The following DSCAM variants were observed in gnomAD, a reference collection of about 807,000 sequenced individuals.
DSCAM encodes the protein DS cell adhesion molecule.
A neutral mutation model predicts 217.7 loss-of-function variants in DSCAM; 47 were observed. That is an observed-to-expected ratio of 0.22 (90% CI 0.17 to 0.28). The LOEUF is 0.28. Ranked by LOEUF, DSCAM falls within the 10% of genes least tolerant of loss-of-function variation. The pLI, the probability that DSCAM is intolerant of heterozygous loss-of-function variation, is 1.00. For missense variants in DSCAM, 2,080 were observed against 2,618.3 expected (o/e 0.79, Z 4.49); for synonymous variants, 1,056 against 1,015.3 (o/e 1.04, Z -0.76).
At chr21:40,711,490 G>T (rs997419403) in intron 1 of DSCAM, among the ~76,000 whole-genome samples, 2 of 152,202 alleles carry the variant, frequency 1.3e-5, no homozygotes, top group African/African-American at 4.8e-5. Context: ...CAGCATCCAA[G>T]CATTGGCACA....
intron 3 of DSCAM, among the ~76,000 whole-genome samples, chr21:40,532,629 G>C (rs1601721247): frequency 2.0e-5 from 3 of 152,164 alleles, no homozygotes; most frequent in African/African-American, 7.2e-5. Context: ...AGCAAGCAGG[G>C]AAAGAAGATC....
At chr21:40,837,728 G>T (rs1456227002) in intron 1 of DSCAM, among the ~76,000 whole-genome samples, 1 of 152,196 alleles carries the variant, frequency 6.6e-6, no homozygotes, top group Admixed American at 6.5e-5. Context: ...ACTAGCCTTT[G>T]CAGGAACTGA....
intron 10 of DSCAM, among the ~76,000 whole-genome samples, chr21:40,291,983 A>G (rs2073897867): frequency 1.3e-5 from 2 of 152,292 alleles, no homozygotes; most frequent in South Asian, 4.2e-4. Context: ...AGTATAAGTG[A>G]CATACATGCA....
chr21:40,714,931 GA>G (rs893773229), intron 1 of DSCAM, among the ~76,000 whole-genome samples: 2 of 152,188 alleles, frequency 1.3e-5, no homozygotes, highest in African/African-American at 4.8e-5. Context: ...GATCCTTCAT[GA>G]ATGGATTATT....
chr21:40,381,923 T>G (rs1439402771), intron 3 of DSCAM, among the ~76,000 whole-genome samples: 2 of 152,242 alleles, frequency 1.3e-5, no homozygotes, highest in Non-Finnish European at 2.9e-5. Flanking sequence ...TGTGCATACA[T>G]AAAGTTATGT....
intron 3 of DSCAM, among the ~76,000 whole-genome samples, chr21:40,503,207 C>T (rs959576364): frequency 1.3e-5 from 2 of 152,180 alleles, no homozygotes; most frequent in African/African-American, 4.8e-5. Flanking sequence ...TGATGGGTTG[C>T]AGGGCTAAAT....
At chr21:40,579,394 T>G (rs556869805) in intron 3 of DSCAM, among the ~76,000 whole-genome samples, 2 of 151,846 alleles carry the variant, frequency 1.3e-5, no homozygotes, top group African/African-American at 2.4e-5. Flanking sequence ...GTAGGCAATA[T>G]GAAAGAAAAG....
chr21:40,052,036 T>G lies in DSCAM; in HGVS notation c.5107A>C (p.Thr1703Pro), dbSNP rs1465313973. The change falls in exon 30 of 33, where the codon ACT becomes CCT. Residue 1703 changes from threonine to proline, a missense_variant. By Grantham distance (38) the Thr-to-Pro change is conservative. Coordinates refer to ENST00000400454, the MANE Select transcript of DSCAM (RefSeq NM_001389.5). ...ACCGATTGGTAATGGACCGTGTGAG[T>G]GACCGTCAGGGACTTCTGCTTAGCT... ...EAAKQKSLTV[T>P]HTVHYQSVSQ... 1 of 1,614,064 alleles carries G rather than the reference T, an allele frequency of 6.2e-7. No individual in the cohort carries two copies. Among genetic ancestry groups the G allele is most frequent in the South Asian group, 1.1e-5 (1 of 91,064 alleles).
chr21:40,315,317 T>G (rs901039530), intron 8 of DSCAM, among the ~76,000 whole-genome samples: 1 of 151,794 alleles, frequency 6.6e-6, no homozygotes, highest in Non-Finnish European at 1.5e-5. Flanking sequence ...GGCAGGAGAA[T>G]TGCTTGAACC....
intron 3 of DSCAM, among the ~76,000 whole-genome samples, chr21:40,542,649 G>A (rs529378550): frequency 1.3e-5 from 2 of 152,224 alleles, no homozygotes; most frequent in African/African-American, 4.8e-5. Flanking sequence ...CCAGATGACA[G>A]ATCTGCTGAC....
intron 3 of DSCAM, among the ~76,000 whole-genome samples, chr21:40,559,480 C>T (rs554914596): frequency 6.9e-6 from 1 of 145,736 alleles, no homozygotes; most frequent in Non-Finnish European, 1.5e-5. Flanking sequence ...AAAAAAAGTA[C>T]AAGTAAAGAC....
chr21:40,095,847 A>G (rs919937822), intron 20 of DSCAM, among the ~76,000 whole-genome samples: 7 of 152,254 alleles, frequency 4.6e-5, no homozygotes, highest in Non-Finnish European at 1.0e-4. Flanking sequence ...TTATAACTGT[A>G]TATGTTCAAA....
At chr21:40,238,660 A>C (rs2073109364) in intron 11 of DSCAM, among the ~76,000 whole-genome samples, 1 of 152,212 alleles carries the variant, frequency 6.6e-6, no homozygotes, top group Admixed American at 6.5e-5. Context: ...TTGCCTAAAT[A>C]AGCAACACCA....
chr21:40,508,722 C>T (rs1392946586), intron 3 of DSCAM, among the ~76,000 whole-genome samples: 1 of 125,800 alleles, frequency 7.9e-6, no homozygotes, highest in Non-Finnish European at 1.6e-5. Context: ...GTGCAAACCA[C>T]CACACCCGGC....
intron 11 of DSCAM, among the ~76,000 whole-genome samples, chr21:40,241,926 T>G (rs1222337214): frequency 3.3e-5 from 5 of 152,168 alleles, no homozygotes; most frequent in Non-Finnish European, 7.3e-5. Flanking sequence ...TGTTATCACT[T>G]ATAAGTGGGA....
chr21:40,732,569 C>T (rs1296218029), intron 1 of DSCAM, among the ~76,000 whole-genome samples: 1 of 152,190 alleles, frequency 6.6e-6, no homozygotes, highest in African/African-American at 2.4e-5. Context: ...TAATTAATCA[C>T]ACATTAGCTC....
At chr21:40,353,998 A>T (rs2074663525) in intron 4 of DSCAM, among the ~76,000 whole-genome samples, 1 of 152,234 alleles carries the variant, frequency 6.6e-6, no homozygotes, top group South Asian at 2.1e-4. Flanking sequence ...AAAGATCCAG[A>T]ATGAGCAGGC....
intron 11 of DSCAM, among the ~76,000 whole-genome samples, chr21:40,220,780 T>C (rs572482460): frequency 3.2e-4 from 49 of 152,296 alleles, no homozygotes; most frequent in African/African-American, 1.2e-3. Context: ...ATAGAGGTAT[T>C]GTGCATGTGT....
At chr21:40,506,758 T>C (rs928534712) in intron 3 of DSCAM, among the ~76,000 whole-genome samples, 3 of 152,188 alleles carry the variant, frequency 2.0e-5, no homozygotes, top group African/African-American at 4.8e-5. Context: ...AACTGTTACA[T>C]TGGAAACATC....
Sources: allele counts gnomAD v4.1 joint callset (sites outside exome capture counted in the v4.1 genomes callset), GRCh38; gene constraint gnomAD v4.1.1; transcripts MANE v1.5; gene names NCBI Gene and HGNC (gene_info 2026-07-23, HGNC 2026-07-21).